The following DNAAF4 variants were observed in gnomAD, a reference collection of about 807,000 sequenced individuals.
The protein encoded by DNAAF4 is dynein assembly factor 4, axonemal.
Under a neutral mutation model 51.8 loss-of-function variants are expected in DNAAF4, and 43 were observed. That is an observed-to-expected ratio of 0.83 (90% confidence interval 0.65 to 1.07). The LOEUF is 1.07. Among genes scored for constraint, DNAAF4 ranks in the 50% least tolerant of loss-of-function variants. The probability of loss-of-function intolerance (pLI) is 0.00; values close to 1 mark genes in which losing one functional copy is unlikely to be tolerated. For missense variants in DNAAF4, 581 were observed against 493.0 expected (o/e 1.18, Z -1.69); for synonymous variants, 194 against 165.6 (o/e 1.17, Z -1.32).
At chr15:55,456,381 G>A (rs944944241) in intron 5 of DNAAF4, among the ~76,000 whole-genome samples, 7 of 151,976 alleles carry the variant, frequency 4.6e-5, no homozygotes, top group Non-Finnish European at 8.8e-5. Context: ...TGCATCCGGC[G>A]GAAAATGCAT....
intron 5 of DNAAF4, among the ~76,000 whole-genome samples, chr15:55,461,114 G>A (rs1228455537): frequency 1.3e-5 from 2 of 150,934 alleles, no homozygotes; most frequent in African/African-American, 4.9e-5. Flanking sequence ...TGTTGCCCAG[G>A]CTGGAGTGCA....
At chr15:55,491,470 G>C (rs2058570042) in intron 3 of DNAAF4, among the ~76,000 whole-genome samples, 1 of 150,126 alleles carries the variant, frequency 6.7e-6, no homozygotes, top group South Asian at 2.1e-4. Flanking sequence ...GAGAATGAAG[G>C]GGGTGGAGAG....
At chr15:55,452,097 A>G (rs1047013481) in intron 5 of DNAAF4, among the ~76,000 whole-genome samples, 2 of 151,828 alleles carry the variant, frequency 1.3e-5, no homozygotes, top group Non-Finnish European at 2.9e-5. Context: ...AATTACAAAA[A>G]ATTAGTCAGG....
exon 8 of DNAAF4, chr15:55,418,082 T>C: frequency 6.4e-7 from 1 of 1,569,378 alleles, no homozygotes; most frequent in South Asian, 1.2e-5. Flanking sequence ...ATATGATGGC[T>C]TAGCTTGGGC....
intron 4 of DNAAF4, among the ~76,000 whole-genome samples, chr15:55,469,103 G>A (rs2058211209): frequency 6.6e-6 from 1 of 152,106 alleles, no homozygotes; most frequent in Admixed American, 6.5e-5. Context: ...GGCTGAGGCA[G>A]GTGGATCATC....
intron 4 of DNAAF4, among the ~76,000 whole-genome samples, chr15:55,484,722 G>T (rs1486228423): frequency 1.4e-4 from 21 of 152,152 alleles, no homozygotes; most frequent in Non-Finnish European, 5.9e-5. Context: ...CCTGCTGCAA[G>T]CTGTGAAGCA....
chr15:55,417,889 G>C, exon 8 of DNAAF4: 1 of 424,166 alleles, frequency 2.4e-6, no homozygotes, highest in Non-Finnish European at 4.2e-6. Context: ...CAGTCAAAGG[G>C]GGTTATTCTG....
intron 5 of DNAAF4, among the ~76,000 whole-genome samples, chr15:55,461,563 G>T (rs371958414): frequency 1.2e-4 from 18 of 152,034 alleles, no homozygotes; most frequent in Non-Finnish European, 2.4e-4. Flanking sequence ...AAATCAAGAC[G>T]GAAATTTTAA....
chr15:55,433,255 G>A (rs939817126), intron 8 of DNAAF4, among the ~76,000 whole-genome samples: 3 of 151,892 alleles, frequency 2.0e-5, no homozygotes, highest in Non-Finnish European at 4.4e-5. Flanking sequence ...AGCCAAGAAC[G>A]CACCACTGCA....
At chr15:55,467,261 C>T (rs7179538) in intron 4 of DNAAF4, 100 bp from the exon 5 acceptor site, 8 of 1,107,602 alleles carry the variant, frequency 7.2e-6, no homozygotes, top group Non-Finnish European at 9.0e-6. Flanking sequence ...TACCTCTAAA[C>T]TCTTGCCATT....
intron 4 of DNAAF4, among the ~76,000 whole-genome samples, chr15:55,488,807 A>G (rs1214194089): frequency 6.6e-6 from 1 of 152,160 alleles, no homozygotes; most frequent in Non-Finnish European, 1.5e-5. Flanking sequence ...TGAAAACTTC[A>G]GCTGGGTGCG....
rs956865999 is a variant in DNAAF4 at position 55,440,237 on chromosome 15, G to A, written c.784-656C>T. Among the ~76,000 whole-genome samples the A allele has an allele frequency of 1.8e-4, 28 of 151,582 alleles. 1 individual carries two copies. The highest frequency in any genetic ancestry group is 6.8e-4 in the African/African-American group (28 of 41,302). Reference sequence around the variant, plus strand: ...CTGGCTAATTTTTGTATTTTTAGTAGAGACAGGGTTTCACTATTTTGGCCA... The same window carrying A: ...CTGGCTAATTTTTGTATTTTTAGTAAAGACAGGGTTTCACTATTTTGGCCA... On this transcript the variant is annotated intron_variant, in intron 6 of 9. Transcript: ENST00000321149.
Position 55,430,665 on chromosome 15 carries a change from A to T in DNAAF4, c.*5T>A. The T allele has an allele frequency of 6.2e-7, 1 of 1,610,928 alleles. No individual in the cohort carries two copies. The highest frequency in any genetic ancestry group is 8.5e-7 in the Non-Finnish European group (1 of 1,178,602). On this transcript the variant is annotated 3_prime_UTR_variant, in exon 10 of 10. Transcript: ENST00000321149. Reference sequence around the variant, plus strand: ...ATAACAATACTTAGTTACTTCTAATAGTCATTAAGATTTTAGTTCTGTTCC... The same window carrying T: ...ATAACAATACTTAGTTACTTCTAATTGTCATTAAGATTTTAGTTCTGTTCC...
At chr15:55,461,887 G>C (rs994626400) in intron 5 of DNAAF4, among the ~76,000 whole-genome samples, 1 of 152,124 alleles carries the variant, frequency 6.6e-6, no homozygotes, top group Non-Finnish European at 1.5e-5. Flanking sequence ...TAGACCATTA[G>C]TAAGATTAAC....
intron 8 of DNAAF4, among the ~76,000 whole-genome samples, chr15:55,434,038 A>ATATATATTCTTATATATAATATATATAT (rs1567000892): frequency 1.1e-5 from 1 of 88,108 alleles, no homozygotes; most frequent in African/African-American, 4.0e-5. Flanking sequence ...AATATATATT[A>ATATATATTCTTATATATAATATATATAT]TATATATATA....
intron 1 of DNAAF4, among the ~76,000 whole-genome samples, chr15:55,506,351 T>C (rs545343396): frequency 6.6e-6 from 1 of 152,336 alleles, no homozygotes; most frequent in African/African-American, 2.4e-5. Context: ...AGCAAGTTCC[T>C]AGGTGATGCT....
rs796286365 is a variant in DNAAF4 at position 55,471,675 on chromosome 15, G to A, written c.406-4514C>T. 1.9e-4 allele frequency among the ~76,000 whole-genome samples: 29 copies of A among 151,798 alleles called. 1 individual carries two copies. The highest frequency in any genetic ancestry group is 6.8e-4 in the African/African-American group (28 of 41,374). On this transcript the variant is annotated intron_variant, in intron 4 of 9. Transcript: ENST00000321149. ...ACTACAGGCACCCACTACCACGCCCGGCTAATTTTTTGTATTTTTAGTAGA... is the reference window on the plus strand; with the variant it reads ...ACTACAGGCACCCACTACCACGCCCAGCTAATTTTTTGTATTTTTAGTAGA...
At chr15:55,498,775 C>T (rs1302871565) in intron 1 of DNAAF4, among the ~76,000 whole-genome samples, 191 bp from the exon 2 acceptor site, 1 of 151,394 alleles carries the variant, frequency 6.6e-6, no homozygotes, top group East Asian at 2.0e-4. Context: ...CGTGGTGGTG[C>T]ATGCCTGTAA....
chr15:55,456,793 G>A (rs1018723963), intron 5 of DNAAF4, among the ~76,000 whole-genome samples: 15 of 152,200 alleles, frequency 9.9e-5, no homozygotes. Context: ...ACCCTGAGCT[G>A]AAATAGATTT....
Sources: gnomAD v4.1 joint callset for allele counts (sites outside exome capture counted in the v4.1 genomes callset) on GRCh38, gnomAD v4.1.1 for gene constraint, MANE v1.5 for transcripts, NCBI Gene and HGNC (gene_info 2026-07-23, HGNC 2026-07-21) for gene names.